The following RYR2 variants were observed in gnomAD, a reference collection of about 807,000 sequenced individuals.
The protein encoded by RYR2 is ryanodine receptor 2.
In RYR2, 227 loss-of-function variants were observed where a neutral mutation model predicts 601.1. The observed-to-expected ratio is 0.38, with a 90% CI of 0.34 to 0.42. RYR2 has a LOEUF of 0.42. Ranked by LOEUF, RYR2 falls within the 10% of genes least tolerant of loss-of-function variation. The pLI is 1.00. For missense variants in RYR2, 4,646 were observed against 6,156.5 expected, an observed-to-expected ratio of 0.75 and a Z score of 8.21; for synonymous variants, 2,223 against 2,175.1, an observed-to-expected ratio of 1.02 and a Z score of -0.61.
At chr1:237,383,466 G>C (rs142763202) in intron 8 of RYR2, among the ~76,000 whole-genome samples, 1 of 102,662 alleles carries the variant, frequency 9.7e-6, no homozygotes. Flanking sequence ...GTCTTGCTCT[G>C]TCGCCTAGGC....
intron 1 of RYR2, among the ~76,000 whole-genome samples, chr1:237,124,624 T>C (rs137953088): frequency 2.0e-4 from 30 of 152,314 alleles, no homozygotes; most frequent in Admixed American, 3.9e-4. Context: ...CATTCCATCT[T>C]CAAGACCAGC....
chr1:237,805,904 C>G (rs187574605), intron 98 of RYR2, among the ~76,000 whole-genome samples: 1 of 152,244 alleles, frequency 6.6e-6, no homozygotes, highest in East Asian at 1.9e-4. Context: ...CTAGCTATAA[C>G]TTTGTATCTT....
intron 84 of RYR2, among the ~76,000 whole-genome samples, chr1:237,769,410 C>T (rs1169457998): frequency 6.6e-6 from 1 of 152,130 alleles, no homozygotes; most frequent in African/African-American, 2.4e-5. Flanking sequence ...AATAATGTGC[C>T]TATAACACTT....
chr1:237,587,617 A>G (rs546908492), intron 29 of RYR2, among the ~76,000 whole-genome samples: 11 of 152,304 alleles, frequency 7.2e-5, no homozygotes, highest in African/African-American at 2.6e-4. Flanking sequence ...CAAAGGCTGA[A>G]TAATGTTCGT....
At chr1:237,803,467 A>G (rs1304717420) in intron 98 of RYR2, among the ~76,000 whole-genome samples, 11 of 151,902 alleles carry the variant, frequency 7.2e-5, no homozygotes, top group Admixed American at 4.6e-4. Context: ...CGCCCGGCTA[A>G]TTTTTTGTAC....
chr1:237,670,154 C>T (rs1028722190), intron 58 of RYR2, among the ~76,000 whole-genome samples: 4 of 151,814 alleles, frequency 2.6e-5, no homozygotes, highest in African/African-American at 7.2e-5. Context: ...TCAGGCGTGG[C>T]GGCGCGCGCC....
chr1:237,539,831 C>T (rs151202754), intron 25 of RYR2, among the ~76,000 whole-genome samples: 1 of 152,164 alleles, frequency 6.6e-6, no homozygotes, highest in African/African-American at 2.4e-5. Context: ...GCACATTTAC[C>T]CCAGAACTTA....
At chr1:237,785,737 T>C (rs1276211608) in intron 90 of RYR2, among the ~76,000 whole-genome samples, 1 of 151,866 alleles carries the variant, frequency 6.6e-6, no homozygotes, top group Non-Finnish European at 1.5e-5. Context: ...GAAAAGAGAG[T>C]GAAAAGGAGT....
In RYR2 at chr1:237,349,233, T is replaced by C. The variant is rs532499688; in HGVS notation, c.274-6732T>C. On this transcript the variant is annotated intron_variant, in intron 3 of 104. Transcript: ENST00000366574. ...GGAGGAGGGAACAAAATTTAAAAGCTGTAATAAGACTGATACCTGATGACA... is the reference window on the plus strand; with the variant it reads ...GGAGGAGGGAACAAAATTTAAAAGCCGTAATAAGACTGATACCTGATGACA... 9.9e-5 allele frequency among the ~76,000 whole-genome samples: 15 copies of C among 152,244 alleles called. No individual in the cohort carries two copies. The South Asian group carries it at 2.5e-3, about 25-fold the overall frequency.
intron 3 of RYR2, chr1:237,352,759 C>G (rs767399886): frequency 1.2e-5 from 5 of 426,138 alleles, no homozygotes; most frequent in African/African-American, 2.0e-5. Flanking sequence ...GGATAGAGTT[C>G]ATAAGTAGAT....
intron 96 of RYR2, 96 bp from the exon 97 acceptor site, chr1:237,797,941 C>T (rs1659453827): frequency 8.9e-7 from 1 of 1,126,442 alleles, no homozygotes; most frequent in East Asian, 2.7e-5. Context: ...GGCAAATATA[C>T]AGTAAGTATA....
chr1:237,814,368 G>A (rs1036326350), intron 100 of RYR2, among the ~76,000 whole-genome samples: 5 of 152,102 alleles, frequency 3.3e-5, no homozygotes, highest in Non-Finnish European at 7.4e-5. Flanking sequence ...TCTCTCTTGA[G>A]ATAAATTTTC....
intron 63 of RYR2, among the ~76,000 whole-genome samples, chr1:237,688,858 A>G (rs1280823828): frequency 3.3e-5 from 5 of 152,152 alleles, no homozygotes; most frequent in Non-Finnish European, 7.4e-5. Context: ...AATACTTTCT[A>G]TGGTGCTATT....
chr1:237,088,114 T>C (rs1029019866), intron 1 of RYR2, among the ~76,000 whole-genome samples: 4 of 152,246 alleles, frequency 2.6e-5, no homozygotes, highest in African/African-American at 9.6e-5. Flanking sequence ...TGGAAATTAA[T>C]GTACATGGAA....
chr1:237,418,236 G>A (rs898756744), intron 11 of RYR2, among the ~76,000 whole-genome samples: 16 of 152,178 alleles, frequency 1.1e-4, no homozygotes, highest in African/African-American at 3.6e-4. Flanking sequence ...TAGAGACAGG[G>A]TTTAACCGTG....
intron 14 of RYR2, among the ~76,000 whole-genome samples, chr1:237,452,277 A>G (rs1481608534): frequency 2.9e-5 from 3 of 103,198 alleles, no homozygotes; most frequent in Non-Finnish European, 6.8e-5. Flanking sequence ...TATATACTAT[A>G]CAATAGCATA....
intron 25 of RYR2, among the ~76,000 whole-genome samples, chr1:237,531,038 G>A (rs1392288976): frequency 6.6e-6 from 1 of 152,078 alleles, no homozygotes; most frequent in Non-Finnish European, 1.5e-5. Flanking sequence ...GAATATATTT[G>A]GGAGTGTGTT....
chr1:237,369,521 C>G lies in RYR2; in HGVS notation c.310-13C>G. 1 of 1,554,948 alleles carries G rather than the reference C, an allele frequency of 6.4e-7. No individual in the cohort carries two copies. The highest frequency in any genetic ancestry group is 8.7e-7 in the Non-Finnish European group (1 of 1,147,744). The stretch of plus-strand genomic sequence containing the variant: ...TTTCTCTCTTGTTCTCCTTTTTTCT[C>G]TTCTCTCTAAAGACTGCTCAAGGTG... On this transcript the variant is annotated splice_polypyrimidine_tract_variant and intron_variant, in intron 5 of 104. Transcript: ENST00000366574.
intron 22 of RYR2, among the ~76,000 whole-genome samples, chr1:237,503,782 G>A (rs896278646): frequency 1.1e-4 from 17 of 151,826 alleles, no homozygotes; most frequent in Non-Finnish European, 1.6e-4. Context: ...ATCTCGGCTC[G>A]CTGCAACCTC....
Sources: gnomAD v4.1 joint callset for allele counts (sites outside exome capture counted in the v4.1 genomes callset) on GRCh38, gnomAD v4.1.1 for gene constraint, MANE v1.5 for transcripts, NCBI Gene and HGNC (gene_info 2026-07-23, HGNC 2026-07-21) for gene names.